INO80: variants seen among roughly 807,000 people sequenced by gnomAD.
INO80 encodes the protein chromatin-remodeling ATPase INO80.
A neutral mutation model predicts 203.4 loss-of-function variants in INO80; 20 were observed. The observed-to-expected ratio is 0.10, with a 90% CI of 0.07 to 0.14. INO80 has a LOEUF of 0.14. Ranked by LOEUF, INO80 falls within the 10% of genes least tolerant of loss-of-function variation. The probability of loss-of-function intolerance (pLI) is 1.00; values close to 1 mark genes in which losing one functional copy is unlikely to be tolerated. For synonymous variants in INO80, 726 were observed against 685.2 expected (o/e 1.06, Z -0.93); for missense variants, 1,419 against 1,914.4 (o/e 0.74, Z 4.83).
In INO80 at chr15:40,998,951, G is replaced by A. The variant is rs545232513; in HGVS notation, c.3498-1350C>T. Among the ~76,000 whole-genome samples the A allele has an allele frequency of 2.7e-5, 4 of 148,446 alleles. No individual in the cohort carries two copies. The South Asian group carries it at 6.4e-4, about 24-fold the overall frequency. On this transcript the variant is annotated intron_variant, in intron 28 of 35. Transcript: ENST00000648947. ...ATTCCAGGCGTGAGCCACTGTGCCC[G>A]GCAGAACAGGCTTTTGACTCTAAGA...
chr15:40,987,982 G>A lies in INO80; in HGVS notation c.3571-8C>T. On this transcript the variant is annotated splice_region_variant and splice_polypyrimidine_tract_variant and intron_variant, in intron 29 of 35. Transcript: ENST00000648947. ...GCTATCATAGAAAATCACCTGCATAGAATATAGCAAAAACTGAAGCACTCT... is the reference window on the plus strand; with the variant it reads ...GCTATCATAGAAAATCACCTGCATAAAATATAGCAAAAACTGAAGCACTCT... 1 of 1,603,748 alleles carries A rather than the reference G, an allele frequency of 6.2e-7. No individual in the cohort carries two copies. Among genetic ancestry groups the A allele is most frequent in the Non-Finnish European group, 8.5e-7 (1 of 1,174,340 alleles).
chr15:41,110,510 C>T (rs543651841), intron 1 of INO80, among the ~76,000 whole-genome samples: 3 of 152,114 alleles, frequency 2.0e-5, no homozygotes, highest in Non-Finnish European at 4.4e-5. Flanking sequence ...AGGATCACAG[C>T]GCACTATAGC....
intron 24 of INO80, among the ~76,000 whole-genome samples, chr15:41,030,086 G>T (rs955064737): frequency 6.6e-6 from 1 of 152,152 alleles, no homozygotes; most frequent in African/African-American, 2.4e-5. Context: ...ATCAGGTATC[G>T]CATTAATTCA....
chr15:41,063,810 T>TA (rs1171895108), intron 14 of INO80, among the ~76,000 whole-genome samples: 1 of 151,394 alleles, frequency 6.6e-6, no homozygotes, highest in Non-Finnish European at 1.5e-5. Flanking sequence ...TGATTACAAA[T>TA]AAAAGGAAGA....
At chr15:40,982,666 T>A (rs1893872488) in intron 35 of INO80, among the ~76,000 whole-genome samples, 196 bp downstream of exon 35, 2 of 152,174 alleles carry the variant, frequency 1.3e-5, no homozygotes, top group Admixed American at 1.3e-4. Context: ...CTACTTCCAA[T>A]CCACAGACAG....
intron 7 of INO80, among the ~76,000 whole-genome samples, chr15:41,082,086 C>G (rs966259777): frequency 6.6e-6 from 1 of 151,110 alleles, no homozygotes; most frequent in Non-Finnish European, 1.5e-5. Flanking sequence ...CCCATTTCTA[C>G]TAAAAATAGA....
chr15:41,092,034 T>A lies in INO80; in HGVS notation c.530A>T (p.Asp177Val). Residue 177 changes from aspartate to valine, a missense_variant, in exon 5 of 36, where the codon GAC becomes GTC. Transcript: ENST00000648947. ...KKLHQNKYSKDKELQQYQYYS... is the reference protein window; with the variant it reads ...KKLHQNKYSKVKELQQYQYYS... Reference sequence around the variant, plus strand: ...TTCTCCTGAAACTCTTACCTCCTTGTCTTTACTATACTTATTTTGGTGAAG... The same window carrying A: ...TTCTCCTGAAACTCTTACCTCCTTGACTTTACTATACTTATTTTGGTGAAG... 6.2e-7 allele frequency: 1 copy of A among 1,602,960 alleles called. No homozygotes were observed. Among genetic ancestry groups the A allele is most frequent in the East Asian group, 2.2e-5 (1 of 44,622 alleles).
chr15:41,031,827 C>A (rs2044479107), intron 24 of INO80, among the ~76,000 whole-genome samples: 2 of 152,050 alleles, frequency 1.3e-5, no homozygotes, highest in Non-Finnish European at 2.9e-5. Context: ...TCAGCCTTTT[C>A]TAAAGACTCT....
At chr15:41,033,085 A>G (rs1472793993) in intron 24 of INO80, among the ~76,000 whole-genome samples, 2 of 152,172 alleles carry the variant, frequency 1.3e-5, no homozygotes, top group Non-Finnish European at 2.9e-5. Context: ...CGTACTATGC[A>G]TAAGTAGACC....
Position 41,055,370 on chromosome 15 carries a change from A to C in INO80, c.2071-6T>G. ...AAATGCAGCAGAGCCCAAAGCTGTA[A>C]ACAAAGACAAAAATGAAATAGCTAT... On this transcript the variant is annotated splice_polypyrimidine_tract_variant and splice_region_variant and intron_variant, in intron 17 of 35. Transcript: ENST00000648947. The C allele has an allele frequency of 6.4e-7, 1 of 1,574,244 alleles. No individual in the cohort carries two copies. The highest frequency in any genetic ancestry group is 8.7e-7 in the Non-Finnish European group (1 of 1,147,760).
chr15:41,040,843 T>C (rs1452519408), intron 24 of INO80, among the ~76,000 whole-genome samples: 1 of 151,622 alleles, frequency 6.6e-6, no homozygotes, highest in Non-Finnish European at 1.5e-5. Context: ...GAGTAGAAGA[T>C]ATTTGTAATA....
chr15:41,072,641 CAAAAAAAA>C (rs747499405), intron 11 of INO80, among the ~76,000 whole-genome samples: 3 of 45,982 alleles, frequency 6.5e-5, no homozygotes, highest in Admixed American at 5.0e-4. Flanking sequence ...ACTCCCGCCT[CAAAAAAAA>C]AAAAAAAAAA....
intron 16 of INO80, 121 bp downstream of exon 16, chr15:41,058,518 T>A: frequency 1.1e-6 from 1 of 925,334 alleles, no homozygotes. Context: ...AAATAAAACT[T>A]CTCATATCTT....
chr15:40,999,821 T>C (rs1358780424), intron 28 of INO80, among the ~76,000 whole-genome samples: 1 of 152,114 alleles, frequency 6.6e-6, no homozygotes, highest in Non-Finnish European at 1.5e-5. Flanking sequence ...AAAAACTGAT[T>C]GAGCTTTTTA....
At chr15:41,096,962 G>A (rs912523140) in intron 1 of INO80, among the ~76,000 whole-genome samples, 4 of 152,226 alleles carry the variant, frequency 2.6e-5, no homozygotes, top group African/African-American at 9.6e-5. Context: ...AGAAACACAG[G>A]TATAGCCTAA....
chr15:41,053,295 C>T (rs1056861639), intron 19 of INO80, among the ~76,000 whole-genome samples: 1 of 151,968 alleles, frequency 6.6e-6, no homozygotes, highest in Non-Finnish European at 1.5e-5. Flanking sequence ...TTAGTAGAGA[C>T]GGGGTTTCAC....
chr15:41,090,792 T>G (rs2045627598), intron 5 of INO80, among the ~76,000 whole-genome samples: 1 of 151,832 alleles, frequency 6.6e-6, no homozygotes, highest in South Asian at 2.1e-4. Flanking sequence ...GAATTACATC[T>G]CAATAAAGCT....
intron 14 of INO80, among the ~76,000 whole-genome samples, chr15:41,061,942 G>C (rs984689350): frequency 1.3e-5 from 2 of 152,068 alleles, no homozygotes; most frequent in African/African-American, 4.8e-5. Flanking sequence ...TTCTAGATGT[G>C]GTTTTCTTTC....
chr15:40,983,015 G>C lies in INO80; in HGVS notation c.4300C>G (p.Pro1434Ala). 2 of 1,614,100 alleles carry C rather than the reference G, an allele frequency of 1.2e-6. No homozygotes were observed. The highest frequency in any genetic ancestry group is 1.7e-5 in the Admixed American group (1 of 60,024). The change falls in exon 35 of 36, where the codon CCC becomes GCC. Residue 1434 changes from proline to alanine, a missense_variant. Pro to Ala is a conservative substitution (Grantham distance 27, BLOSUM62 -1). Transcript: ENST00000648947. ...RGHSARSRGR[P>A]KGSGSTAKGA... ...TTGGCTGTGCTTCCTGAACCTTTGG[G>C]GCGGCCTCGGCTTCGGGCTGAGTGA...
Sources: gnomAD v4.1 joint callset for allele counts (sites outside exome capture counted in the v4.1 genomes callset) on GRCh38, gnomAD v4.1.1 for gene constraint, MANE v1.5 for transcripts, NCBI Gene and HGNC (gene_info 2026-07-23, HGNC 2026-07-21) for gene names.